SRGAP2B: variants seen among roughly 807,000 people sequenced by gnomAD.
SRGAP2B encodes the protein SLIT-ROBO Rho GTPase activating protein 2B, also known as SLIT-ROBO Rho GTPase-activating protein 2B.
Under a neutral mutation model 22.2 loss-of-function variants are expected in SRGAP2B, and 9 were observed. That is an observed-to-expected ratio of 0.41 (90% CI 0.24 to 0.71). The LOEUF is 0.71. SRGAP2B is among the 30% of genes least tolerant of loss of function. The pLI, the probability that SRGAP2B is intolerant of heterozygous loss-of-function variation, is 0.35. For missense variants in SRGAP2B, 114 were observed against 235.8 expected, an observed-to-expected ratio of 0.48 and a Z score of 3.38; for synonymous variants, 36 against 87.4, an observed-to-expected ratio of 0.41 and a Z score of 3.28.
At chr1:144,920,462 G>A (rs1173944082) in intron 4 of SRGAP2B, among the ~76,000 whole-genome samples, 1 of 150,234 alleles carries the variant, frequency 6.7e-6, no homozygotes, top group African/African-American at 2.5e-5. Context: ...TGTAGAGATG[G>A]GATCTCACTG....
intron 2 of SRGAP2B, among the ~76,000 whole-genome samples, chr1:145,079,722 CGA>C (rs1652753308): frequency 7.9e-6 from 1 of 126,636 alleles, no homozygotes; most frequent in Non-Finnish European, 1.6e-5. Flanking sequence ...ATTCATTAGG[CGA>C]AAGGAAAACA....
chr1:144,941,628 GA>G, intron 4 of SRGAP2B, among the ~76,000 whole-genome samples: 1 of 148,778 alleles, frequency 6.7e-6, no homozygotes, highest in Non-Finnish European at 1.5e-5. Context: ...AGATGAAAAT[GA>G]AAAAAAACTG....
intron 4 of SRGAP2B, among the ~76,000 whole-genome samples, chr1:144,951,190 T>A (rs1474574956): frequency 4.7e-5 from 7 of 149,262 alleles, no homozygotes; most frequent in East Asian, 3.9e-4. Context: ...TTTTTTTTTT[T>A]AAACAGACAG....
At chr1:144,918,423 G>C in intron 4 of SRGAP2B, 1 of 147,256 alleles carries the variant, frequency 6.8e-6, no homozygotes, top group South Asian at 2.1e-4. Context: ...TGCTTCACTG[G>C]CCTCCACTCT....
At chr1:145,001,955 A>T (rs1671208051) in intron 2 of SRGAP2B, among the ~76,000 whole-genome samples, 1 of 146,288 alleles carries the variant, frequency 6.8e-6, no homozygotes, top group Non-Finnish European at 1.5e-5. Context: ...CCAGGAGGTC[A>T]AGGCCACAGT....
chr1:145,031,862 A>C (rs1346818295), intron 2 of SRGAP2B, among the ~76,000 whole-genome samples: 5 of 142,060 alleles, frequency 3.5e-5, no homozygotes, highest in Non-Finnish European at 6.1e-5. Flanking sequence ...AAAAAAAAAA[A>C]AAAAAGTAAG....
chr1:145,058,174 A>G (rs1650603722), intron 2 of SRGAP2B, among the ~76,000 whole-genome samples: 1 of 149,262 alleles, frequency 6.7e-6, no homozygotes, highest in Non-Finnish European at 1.5e-5. Context: ...TTAATTTCTG[A>G]GCCTTAGTTT....
chr1:144,952,545 G>A (rs1666953989), intron 4 of SRGAP2B, among the ~76,000 whole-genome samples: 1 of 150,048 alleles, frequency 6.7e-6, no homozygotes, highest in South Asian at 2.1e-4. Context: ...TGTTGCCCAG[G>A]CTGGAGTGCA....
intron 4 of SRGAP2B, among the ~76,000 whole-genome samples, chr1:144,950,755 A>G (rs1666794324): frequency 6.6e-6 from 1 of 150,382 alleles, no homozygotes; most frequent in Non-Finnish European, 1.5e-5. Context: ...TACTTAGAGA[A>G]TCCTAATACA....
At chr1:144,953,774 C>G (rs1404364835) in intron 4 of SRGAP2B, among the ~76,000 whole-genome samples, 1 of 150,450 alleles carries the variant, frequency 6.6e-6, no homozygotes, top group Non-Finnish European at 1.5e-5. Context: ...CCTTCTAAGG[C>G]TTGGTAAAAA....
intron 3 of SRGAP2B, among the ~76,000 whole-genome samples, chr1:144,972,673 A>C (rs1424751421): frequency 6.9e-6 from 1 of 145,128 alleles, no homozygotes; most frequent in Non-Finnish European, 1.5e-5. Flanking sequence ...ACACCAAAAA[A>C]TTTAAAAAAC....
rs1292569981 is a variant in SRGAP2B at position 144,998,632 on chromosome 1, A to G, written c.68-3432T>C. ...GGAGAAGGAAAAGGAGGAGAAAAAG[A>G]AAGAAGAAAGAGAATGAAGAAGGAA... On this transcript the variant is annotated intron_variant, in intron 2 of 9. Transcript: ENST00000612199. Among the ~76,000 whole-genome samples, 38 of 150,900 alleles carry G rather than the reference A, an allele frequency of 2.5e-4. 2 individuals carry two copies. The highest frequency in any genetic ancestry group is 2.9e-5 in the Non-Finnish European group (2 of 67,994).
At chr1:144,952,848 C>T (rs1666984839) in intron 4 of SRGAP2B, among the ~76,000 whole-genome samples, 2 of 150,510 alleles carry the variant, frequency 1.3e-5, no homozygotes, top group Admixed American at 6.6e-5. Context: ...TTATGTTGTC[C>T]AGGTTGTTCT....
chr1:144,997,347 C>T (rs587742242), intron 2 of SRGAP2B, among the ~76,000 whole-genome samples: 4 of 150,772 alleles, frequency 2.7e-5, no homozygotes, highest in African/African-American at 5.0e-5. Flanking sequence ...GCGAGAATGG[C>T]GTGAACCCGG....
At chr1:144,966,369 G>A (rs1553612251) in intron 3 of SRGAP2B, among the ~76,000 whole-genome samples, 2 of 148,782 alleles carry the variant, frequency 1.3e-5, no homozygotes, top group African/African-American at 5.2e-5. Flanking sequence ...TTTCAACCCA[G>A]AATTTCATAT....
chr1:145,016,971 G>GT (rs1158477131), intron 2 of SRGAP2B, among the ~76,000 whole-genome samples: 8 of 138,584 alleles, frequency 5.8e-5, no homozygotes, highest in Non-Finnish European at 1.2e-4. Context: ...TTGTTTGTTT[G>GT]TTTTTTGAGA....
At chr1:145,016,901 T>C (rs1461692382) in intron 2 of SRGAP2B, among the ~76,000 whole-genome samples, 13 of 146,990 alleles carry the variant, frequency 8.8e-5, no homozygotes, top group Admixed American at 2.1e-4. Context: ...CAGGCTGGAG[T>C]GCAGTGGTGC....
At chr1:145,015,571 G>A (rs1553622958) in intron 2 of SRGAP2B, among the ~76,000 whole-genome samples, 1 of 149,114 alleles carries the variant, frequency 6.7e-6, no homozygotes, top group East Asian at 2.0e-4. Context: ...CGATGCTGTA[G>A]GAGTATACAG....
At chr1:145,067,327 G>A (rs1418843938) in intron 2 of SRGAP2B, among the ~76,000 whole-genome samples, 3 of 148,146 alleles carry the variant, frequency 2.0e-5, no homozygotes, top group African/African-American at 2.6e-5. Context: ...AATTATCAGA[G>A]AAGCCAAGAG....
Sources: gnomAD v4.1 joint callset for allele counts (sites outside exome capture counted in the v4.1 genomes callset) on GRCh38, gnomAD v4.1.1 for gene constraint, MANE v1.5 for transcripts, NCBI Gene and HGNC (gene_info 2026-07-23, HGNC 2026-07-21) for gene names.